The following PITPNC1 variants were observed in gnomAD, a reference collection of about 807,000 sequenced individuals.
PITPNC1 encodes the protein cytoplasmic phosphatidylinositol transfer protein 1.
In PITPNC1, 18 loss-of-function variants were observed where a neutral mutation model predicts 44.7. The ratio of observed to expected loss-of-function variants is 0.40; its 90% CI spans 0.28 to 0.60. The LOEUF (loss-of-function observed/expected upper bound fraction) is 0.60. PITPNC1 is among the 20% of genes least tolerant of loss of function. The pLI is 0.39. For synonymous variants in PITPNC1, 141 were observed against 149.6 expected (o/e 0.94, Z 0.42); for missense variants, 290 against 418.4 (o/e 0.69, Z 2.68).
chr17:67,462,742 GC>G (rs2039359359), intron 1 of PITPNC1, among the ~76,000 whole-genome samples: 1 of 104,932 alleles, frequency 9.5e-6, no homozygotes, highest in Admixed American at 1.2e-4. Flanking sequence ...CACTCTTGTT[GC>G]CCAGGCTGGA....
At chr17:67,648,412 C>G (rs2042174793) in intron 6 of PITPNC1, among the ~76,000 whole-genome samples, 1 of 152,218 alleles carries the variant, frequency 6.6e-6, no homozygotes, top group Non-Finnish European at 1.5e-5. Flanking sequence ...CTAATAAGCT[C>G]CCTTTATGGG....
At chr17:67,562,957 A>G (rs568564513) in intron 4 of PITPNC1, among the ~76,000 whole-genome samples, 21 of 152,338 alleles carry the variant, frequency 1.4e-4, no homozygotes, top group Admixed American at 5.2e-4. Flanking sequence ...ATACACATTT[A>G]TCATCCACTT....
intron 5 of PITPNC1, among the ~76,000 whole-genome samples, chr17:67,587,484 A>G (rs185072348): frequency 1.5e-4 from 22 of 146,452 alleles, no homozygotes; most frequent in Middle Eastern, 3.4e-3. Flanking sequence ...ACAGAGCGAG[A>G]CTCTGTCTCA....
intron 1 of PITPNC1, among the ~76,000 whole-genome samples, chr17:67,437,825 T>C (rs1465427691): frequency 4.6e-5 from 7 of 152,102 alleles, no homozygotes; most frequent in African/African-American, 1.7e-4. Context: ...CCCAGCACTT[T>C]GGGAGGCCGA....
intron 1 of PITPNC1, among the ~76,000 whole-genome samples, chr17:67,434,890 C>T (rs764997834): frequency 1.9e-4 from 29 of 151,704 alleles, no homozygotes; most frequent in Non-Finnish European, 3.8e-4. Context: ...GGGTGGATCG[C>T]CTGAGGTCAG....
chr17:67,393,191 A>C (rs376176474), intron 1 of PITPNC1, among the ~76,000 whole-genome samples: 2 of 152,146 alleles, frequency 1.3e-5, no homozygotes, highest in East Asian at 3.8e-4. Context: ...GCCATCTTAA[A>C]ACTTTTCGAG....
intron 1 of PITPNC1, among the ~76,000 whole-genome samples, chr17:67,394,183 A>G (rs2038180641): frequency 6.6e-6 from 1 of 152,062 alleles, no homozygotes. Flanking sequence ...TCTTAGATCA[A>G]AAGCAGCCAA....
At chr17:67,679,673 C>T (rs1302579295) in intron 8 of PITPNC1, among the ~76,000 whole-genome samples, 2 of 152,176 alleles carry the variant, frequency 1.3e-5, no homozygotes, top group African/African-American at 4.8e-5. Flanking sequence ...TTATTCTGTT[C>T]GTGTTCATTG....
intron 5 of PITPNC1, among the ~76,000 whole-genome samples, chr17:67,603,380 G>C (rs2934576): frequency 0.014 from 2,144 of 152,248 alleles, 64 homozygotes; most frequent in African/African-American, 0.049. Context: ...ATGGTCAGAC[G>C]GATATTGGCA....
At chr17:67,675,719 T>C (rs1233831276) in intron 8 of PITPNC1, among the ~76,000 whole-genome samples, 177 bp downstream of exon 8, 1 of 152,200 alleles carries the variant, frequency 6.6e-6, no homozygotes, top group Non-Finnish European at 1.5e-5. Flanking sequence ...AGAAGCTTGG[T>C]CTAAAATAAC....
At chr17:67,387,405 C>T (rs2038071153) in intron 1 of PITPNC1, among the ~76,000 whole-genome samples, 1 of 152,238 alleles carries the variant, frequency 6.6e-6, no homozygotes, top group South Asian at 2.1e-4. Context: ...GCGGCTCACG[C>T]CTGTAATCCC....
intron 1 of PITPNC1, among the ~76,000 whole-genome samples, chr17:67,496,223 G>A (rs1598742718): frequency 6.6e-6 from 1 of 152,140 alleles, no homozygotes; most frequent in African/African-American, 2.4e-5. Context: ...TCCCTCTAAC[G>A]AATGCTTCCG....
At chr17:67,554,925 A>C (rs912575606) in intron 4 of PITPNC1, among the ~76,000 whole-genome samples, 1 of 152,264 alleles carries the variant, frequency 6.6e-6, no homozygotes, top group Non-Finnish European at 1.5e-5. Flanking sequence ...AAAAAACAGG[A>C]ATAGTATTCA....
At chr17:67,439,306 G>C (rs1288840068) in intron 1 of PITPNC1, among the ~76,000 whole-genome samples, 2 of 152,184 alleles carry the variant, frequency 1.3e-5, no homozygotes, top group African/African-American at 4.8e-5. Flanking sequence ...AAACAGCTGT[G>C]TTTGCTATTG....
intron 2 of PITPNC1, 127 bp from the exon 3 acceptor site, chr17:67,552,130 G>A: frequency 1.5e-6 from 1 of 653,778 alleles, no homozygotes; most frequent in Non-Finnish European, 2.8e-6. Context: ...TGGGGAAAGG[G>A]CAGCTGTGGA....
rs532168836 is a variant in PITPNC1 at position 67,607,555 on chromosome 17, C to A, written c.367-24588C>A. Among the ~76,000 whole-genome samples the A allele has an allele frequency of 2.0e-5, 3 of 152,266 alleles. No individual in the cohort carries two copies. In the South Asian group the frequency reaches 6.2e-4, roughly 32 times the overall value. The stretch of plus-strand genomic sequence containing the variant: ...CACTTCTTATTTGGAAAATTTCAAA[C>A]CTACAGAGAAGTTTGTAAGAAGAGT... On this transcript the variant is annotated intron_variant, in intron 5 of 8. Coordinates refer to ENST00000581322, the MANE Select transcript of PITPNC1 (RefSeq NM_012417.4).
intron 1 of PITPNC1, among the ~76,000 whole-genome samples, chr17:67,454,671 AGAAAACTTG>A (rs1462371097): frequency 6.6e-6 from 1 of 152,172 alleles, no homozygotes; most frequent in African/African-American, 2.4e-5. Context: ...TGTTCACTGC[AGAAAACTTG>A]GAAAACACAA....
intron 1 of PITPNC1, among the ~76,000 whole-genome samples, chr17:67,429,697 C>CA (rs34662070): frequency 0.44 from 62,906 of 144,412 alleles, 13,305 homozygotes; most frequent in South Asian, 0.51. Context: ...AACTCTGTTT[C>CA]AAAAAAAAAA....
At chr17:67,530,738 G>T (rs2040450159) in intron 1 of PITPNC1, among the ~76,000 whole-genome samples, 1 of 152,186 alleles carries the variant, frequency 6.6e-6, no homozygotes, top group Non-Finnish European at 1.5e-5. Context: ...CAAAGCAACT[G>T]TCAGTGAAAT....
Sources: allele counts gnomAD v4.1 joint callset (sites outside exome capture counted in the v4.1 genomes callset), GRCh38; gene constraint gnomAD v4.1.1; transcripts MANE v1.5; gene names NCBI Gene and HGNC (gene_info 2026-07-23, HGNC 2026-07-21).